The following RAI2 variants were observed in gnomAD, a reference collection of about 807,000 sequenced individuals.
RAI2 encodes retinoic acid-induced protein 2.
RAI2 carries 5 observed loss-of-function variants against 15.3 expected under a neutral mutation model. The ratio of observed to expected loss-of-function variants is 0.33; its 90% CI spans 0.17 to 0.69. The LOEUF (loss-of-function observed/expected upper bound fraction) is 0.69. RAI2 is among the 30% of genes least tolerant of loss of function. RAI2 has a pLI of 0.69. For missense variants in RAI2, 424 were observed against 424.7 expected (o/e 1.00, Z 0.01); for synonymous variants, 191 against 184.0 (o/e 1.04, Z -0.31).
At chrX:17,843,012 G>A (rs970764813) in intron 1 of RAI2, among the ~76,000 whole-genome samples, 1 of 111,892 alleles carries the variant, frequency 8.9e-6, no homozygotes, top group Non-Finnish European at 1.9e-5. Flanking sequence ...GAACTCACTC[G>A]CAGGAGTAGC....
chrX:17,819,491 T>C (rs1228972365), intron 1 of RAI2, among the ~76,000 whole-genome samples: 1 of 112,040 alleles, frequency 8.9e-6, no homozygotes, highest in Non-Finnish European at 1.9e-5. Flanking sequence ...CTGGGTATTC[T>C]CCCAAAAGAA....
At chrX:17,819,151 AG>A (rs767227262) in intron 1 of RAI2, among the ~76,000 whole-genome samples, 90 of 112,411 alleles carry the variant, frequency 8.0e-4, no homozygotes, top group Non-Finnish European at 1.4e-3. Context: ...ACTCTGCTTT[AG>A]GGACAGGGAT....
chrX:17,801,562 G>A lies in RAI2; in HGVS notation c.449C>T (p.Thr150Ile), dbSNP rs761985843. 8.3e-7 allele frequency: 1 copy of A among 1,208,076 alleles called. No homozygotes were observed. The highest frequency in any genetic ancestry group is 1.1e-6 in the Non-Finnish European group (1 of 893,554). The change falls in exon 2 of 2, where the codon ACC (threonine) becomes ATC (isoleucine). Residue 150 changes from threonine (T) to isoleucine (I), a missense_variant. Coordinates refer to ENST00000451717, the MANE Select transcript of RAI2 (RefSeq NM_021785.6). ...TCCCTGGAAGAGGTTGTTGTGGATGGTACTGGAGGAGCATGGGGCCTCCTG... is the reference window on the plus strand; with the variant it reads ...TCCCTGGAAGAGGTTGTTGTGGATGATACTGGAGGAGCATGGGGCCTCCTG... ...LPQEAPCSSS[T>I]IHNNLFQGAE...
intron 1 of RAI2, among the ~76,000 whole-genome samples, chrX:17,838,658 G>GCACA (rs35063479): frequency 3.3e-4 from 33 of 101,169 alleles, no homozygotes; most frequent in Middle Eastern, 4.9e-3. Flanking sequence ...CACACACACA[G>GCACA]CACACACACA....
intron 1 of RAI2, among the ~76,000 whole-genome samples, chrX:17,814,095 C>G (rs2067079192): frequency 9.1e-6 from 1 of 110,395 alleles, no homozygotes; most frequent in Admixed American, 9.7e-5. Context: ...CCAGACAACA[C>G]CAGTAGAGGA....
chrX:17,813,544 C>T (rs2067072086), intron 1 of RAI2, among the ~76,000 whole-genome samples: 2 of 111,222 alleles, frequency 1.8e-5, no homozygotes, highest in South Asian at 3.8e-4. Context: ...ATTAAGTTTG[C>T]GGGGCCCATT....
chrX:17,847,959 T>C (rs893625458), intron 1 of RAI2, among the ~76,000 whole-genome samples: 2 of 111,511 alleles, frequency 1.8e-5, no homozygotes, highest in African/African-American at 6.5e-5. Context: ...GGTAGGAAAA[T>C]GGAAGTATTA....
intron 1 of RAI2, among the ~76,000 whole-genome samples, chrX:17,838,542 A>G (rs947686548): frequency 1.4e-4 from 15 of 110,901 alleles, no homozygotes; most frequent in Non-Finnish European, 2.1e-4. Flanking sequence ...TTTTTGCCAC[A>G]GGAAACAGAG....
At position 17,827,087 on chromosome X, in the gene RAI2, T is replaced by A. The variant is rs145696320; in HGVS notation, c.-24-25053A>T. Among the ~76,000 whole-genome samples the A allele has an allele frequency of 1.5e-3, 165 of 112,767 alleles. 1 individual carries two copies. The East Asian group carries it at 0.041, about 28-fold the overall frequency. On this transcript the variant is annotated intron_variant, in intron 1 of 1. Transcript: ENST00000451717. ...GAGTAAAGCAGCATTTGACTTATGATGAGTAAGAGGCACTGCATTGGGGAG... is the reference window on the plus strand; with the variant it reads ...GAGTAAAGCAGCATTTGACTTATGAAGAGTAAGAGGCACTGCATTGGGGAG...
chrX:17,812,689 T>G (rs1455144723), intron 1 of RAI2, among the ~76,000 whole-genome samples: 5 of 111,643 alleles, frequency 4.5e-5, no homozygotes, highest in Non-Finnish European at 7.5e-5. Context: ...CCTCTCCTAC[T>G]TTTCAGTGGC....
chrX:17,820,677 C>T (rs1197771787), intron 1 of RAI2, among the ~76,000 whole-genome samples: 1 of 111,320 alleles, frequency 9.0e-6, no homozygotes, highest in Non-Finnish European at 1.9e-5. Flanking sequence ...AACTGTGTGG[C>T]CTTGGGAAAG....
intron 1 of RAI2, among the ~76,000 whole-genome samples, chrX:17,831,107 A>C (rs978948924): frequency 3.6e-5 from 4 of 111,715 alleles, no homozygotes; most frequent in Non-Finnish European, 7.5e-5. Flanking sequence ...GGACTCTAAA[A>C]TTCGAGACAC....
rs1309720445 is a variant in RAI2 at position 17,801,054 on chromosome X, G to C, written c.957C>G (p.Leu319=). 3.3e-6 allele frequency: 4 copies of C among 1,211,802 alleles called. No homozygotes were observed. Among genetic ancestry groups the C allele is most frequent in the Non-Finnish European group, 1.1e-6 (1 of 895,482 alleles). Residue 319 remains leucine (L), a synonymous_variant, in exon 2 of 2, where the codon CTC becomes CTG. Coordinates refer to ENST00000451717, the MANE Select transcript of RAI2 (RefSeq NM_021785.6). The stretch of plus-strand genomic sequence containing the variant: ...TGAGCCAGGGCACTGACTTCATGGA[G>C]AGATCCAGGGCCTCGTTCTCACTTC... The part of the protein sequence containing the change: ...KMGSENEALD[L]SMKSVPWLKA...
At chrX:17,818,487 C>T (rs1235059528) in intron 1 of RAI2, among the ~76,000 whole-genome samples, 1 of 90,209 alleles carries the variant, frequency 1.1e-5, no homozygotes, top group Non-Finnish European at 2.1e-5. Context: ...TACTCAAGAG[C>T]ACCAGGAATG....
chrX:17,841,520 C>T (rs944499663), intron 1 of RAI2, among the ~76,000 whole-genome samples: 1 of 112,568 alleles, frequency 8.9e-6, no homozygotes, highest in African/African-American at 3.2e-5. Flanking sequence ...AGAAGGCTTA[C>T]GATTTAATTC....
At chrX:17,809,497 GTTTGT>G (rs1205475448) in intron 1 of RAI2, among the ~76,000 whole-genome samples, 2 of 111,914 alleles carry the variant, frequency 1.8e-5, no homozygotes, top group East Asian at 5.6e-4. Context: ...ACTTATTTAT[GTTTGT>G]TTTATCATCT....
intron 1 of RAI2, among the ~76,000 whole-genome samples, chrX:17,824,930 A>T (rs929834150): frequency 3.6e-5 from 4 of 112,388 alleles, no homozygotes; most frequent in African/African-American, 1.3e-4. Context: ...CAACAGCATT[A>T]TAATGGTGGG....
chrX:17,845,623 G>T (rs1773920792), intron 1 of RAI2, among the ~76,000 whole-genome samples: 1 of 112,076 alleles, frequency 8.9e-6, no homozygotes, highest in African/African-American at 3.2e-5. Context: ...GAAATCTTTG[G>T]GATGGGGGTG....
intron 1 of RAI2, among the ~76,000 whole-genome samples, chrX:17,839,139 C>T (rs2067369900): frequency 8.9e-6 from 1 of 112,300 alleles, no homozygotes; most frequent in African/African-American, 3.2e-5. Flanking sequence ...GAGCTGCCTG[C>T]TCACCCCAAA....
Sources: gnomAD v4.1 joint callset for allele counts (sites outside exome capture counted in the v4.1 genomes callset) on GRCh38, gnomAD v4.1.1 for gene constraint, MANE v1.5 for transcripts, NCBI Gene and HGNC (gene_info 2026-07-23, HGNC 2026-07-21) for gene names.